Variants in CNTN3 observed in about 807,000 individuals in gnomAD.
The protein encoded by CNTN3 is contactin-3.
Under a neutral mutation model 119.1 loss-of-function variants are expected in CNTN3, and 60 were observed. The observed-to-expected ratio is 0.50, with a 90% CI of 0.41 to 0.62. The LOEUF (loss-of-function observed/expected upper bound fraction) is 0.62, where lower values mean the gene tolerates loss of function less well. Among genes scored for constraint, CNTN3 ranks in the 20% least tolerant of loss-of-function variants. The pLI is 0.00. For synonymous variants in CNTN3, 450 were observed against 438.7 expected (o/e 1.03, Z -0.32); for missense variants, 1,101 against 1,242.4 (o/e 0.89, Z 1.71).
chr3:74,381,404 T>A (rs1704621366), intron 5 of CNTN3, among the ~76,000 whole-genome samples: 1 of 152,106 alleles, frequency 6.6e-6, no homozygotes, highest in African/African-American at 2.4e-5. Context: ...AAAATGCCCC[T>A]AGAAATCAAT....
intron 4 of CNTN3, among the ~76,000 whole-genome samples, chr3:74,477,315 C>T (rs1342081443): frequency 2.0e-5 from 3 of 152,008 alleles, no homozygotes; most frequent in Non-Finnish European, 4.4e-5. Context: ...GTGCCTTGAG[C>T]AATACACTTT....
At chr3:74,563,510 A>C (rs1170238260) in intron 1 of CNTN3, among the ~76,000 whole-genome samples, 1 of 152,132 alleles carries the variant, frequency 6.6e-6, no homozygotes, top group African/African-American at 2.4e-5. Flanking sequence ...TTAGCATTCT[A>C]TCTAGACAGC....
intron 4 of CNTN3, among the ~76,000 whole-genome samples, chr3:74,455,673 T>A (rs972164189): frequency 2.6e-5 from 4 of 152,090 alleles, no homozygotes; most frequent in African/African-American, 9.7e-5. Context: ...TACAGATGTT[T>A]TTTTTGGTGT....
intron 2 of CNTN3, among the ~76,000 whole-genome samples, chr3:74,507,540 A>T (rs912257012): frequency 1.3e-5 from 2 of 152,052 alleles, no homozygotes; most frequent in African/African-American, 4.8e-5. Context: ...AGTAAGCAGA[A>T]GCCAGCACTG....
chr3:74,375,439 C>G (rs951333571), intron 5 of CNTN3, among the ~76,000 whole-genome samples: 12 of 152,096 alleles, frequency 7.9e-5, no homozygotes, highest in African/African-American at 1.7e-4. Flanking sequence ...AGTCGACATT[C>G]TAATGCCTGA....
At chr3:74,404,435 C>T (rs1032506948) in intron 5 of CNTN3, among the ~76,000 whole-genome samples, 23 of 152,070 alleles carry the variant, frequency 1.5e-4, no homozygotes, top group African/African-American at 5.6e-4. Context: ...GCACTTTGAA[C>T]ATACCAAATC....
At chr3:74,486,397 CAAATT>C (rs1702859516) in intron 4 of CNTN3, 54 bp downstream of exon 4, 1 of 1,458,458 alleles carries the variant, frequency 6.9e-7, no homozygotes, top group African/African-American at 1.4e-5. Context: ...AACGACTACA[CAAATT>C]AAGTTACATA....
chr3:74,575,296 G>A (rs1704396259), intron 1 of CNTN3, among the ~76,000 whole-genome samples: 1 of 152,078 alleles, frequency 6.6e-6, no homozygotes, highest in Admixed American at 6.5e-5. Context: ...CTGTCACCCA[G>A]GCTGGAGTGC....
At position 74,275,593 on chromosome 3, in the gene CNTN3, G is replaced by A. The variant is rs145591111; in HGVS notation, c.2705-8215C>T. On this transcript the variant is annotated intron_variant, in intron 20 of 22. Coordinates refer to ENST00000263665, the MANE Select transcript of CNTN3 (RefSeq NM_020872.3). ...GATACAGTCTTTTTTCAGACAAATC[G>A]CCACGACAAGAACTGCTAAAAGGAG... Among the ~76,000 whole-genome samples the A allele has an allele frequency of 3.7e-3, 562 of 151,434 alleles. 14 individuals carry two copies. The highest frequency in any genetic ancestry group is 0.03 in the Admixed American group (462 of 15,168).
chr3:74,405,835 T>C (rs1199343153), intron 5 of CNTN3, among the ~76,000 whole-genome samples: 2 of 152,122 alleles, frequency 1.3e-5, no homozygotes, highest in African/African-American at 4.8e-5. Flanking sequence ...TATTTGTAAA[T>C]GTGTGGGACA....
chr3:74,527,574 A>G (rs545663530), intron 1 of CNTN3, among the ~76,000 whole-genome samples: 3 of 152,036 alleles, frequency 2.0e-5, no homozygotes, highest in Non-Finnish European at 4.4e-5. Flanking sequence ...AATTGATTCC[A>G]CTAGTTTCAA....
chr3:74,578,081 C>T (rs1273261500), intron 1 of CNTN3, among the ~76,000 whole-genome samples: 1 of 152,006 alleles, frequency 6.6e-6, no homozygotes, highest in Non-Finnish European at 1.5e-5. Context: ...CAAGTTGACG[C>T]TATTTAATAT....
chr3:74,291,830 T>A (rs1438282715), intron 19 of CNTN3, among the ~76,000 whole-genome samples: 1 of 152,142 alleles, frequency 6.6e-6, no homozygotes, highest in Non-Finnish European at 1.5e-5. Flanking sequence ...AGCCCTTTAA[T>A]TCTAGCAGCT....
At chr3:74,558,237 A>C (rs1704100034) in intron 1 of CNTN3, among the ~76,000 whole-genome samples, 1 of 152,196 alleles carries the variant, frequency 6.6e-6, no homozygotes, top group Non-Finnish European at 1.5e-5. Flanking sequence ...ATACTACTGC[A>C]TCATAGTTCA....
chr3:74,585,110 T>C (rs927600883), intron 1 of CNTN3, among the ~76,000 whole-genome samples: 1 of 152,164 alleles, frequency 6.6e-6, no homozygotes. Context: ...AGAAGGTAAG[T>C]AGAAAGTGGC....
At chr3:74,393,222 A>AT (rs1242877012) in intron 5 of CNTN3, among the ~76,000 whole-genome samples, 2 of 151,970 alleles carry the variant, frequency 1.3e-5, no homozygotes, top group African/African-American at 2.4e-5. Flanking sequence ...TATGTGAGAT[A>AT]TTTTTTTTCT....
At chr3:74,605,164 T>C (rs1559676485) in intron 1 of CNTN3, among the ~76,000 whole-genome samples, 1 of 152,242 alleles carries the variant, frequency 6.6e-6, no homozygotes, top group African/African-American at 2.4e-5. Context: ...AGGGAGATGT[T>C]GGTCAAAGGA....
At chr3:74,402,484 G>C (rs1280430252) in intron 5 of CNTN3, among the ~76,000 whole-genome samples, 4 of 151,894 alleles carry the variant, frequency 2.6e-5, no homozygotes, top group Admixed American at 6.6e-5. Context: ...CTTTATAACA[G>C]AAACCTCCTG....
intron 4 of CNTN3, among the ~76,000 whole-genome samples, chr3:74,435,324 G>A (rs1701848501): frequency 6.6e-6 from 1 of 152,064 alleles, no homozygotes; most frequent in African/African-American, 2.4e-5. Context: ...AAAGTTGTGT[G>A]CCAACATCCC....
Sources: allele counts gnomAD v4.1 joint callset (sites outside exome capture counted in the v4.1 genomes callset), GRCh38; gene constraint gnomAD v4.1.1; transcripts MANE v1.5; gene names NCBI Gene and HGNC (gene_info 2026-07-23, HGNC 2026-07-21).